Variants in DGKG observed in about 807,000 individuals in gnomAD.
The protein encoded by DGKG is diacylglycerol kinase gamma.
DGKG carries 78 observed loss-of-function variants against 105.3 expected under a neutral mutation model. That is an observed-to-expected ratio of 0.74 (90% confidence interval 0.62 to 0.89). DGKG has a LOEUF of 0.89. Among genes scored for constraint, DGKG ranks in the 40% least tolerant of loss-of-function variants. The pLI, the probability that DGKG is intolerant of heterozygous loss-of-function variation, is 0.00. For missense variants in DGKG, 958 were observed against 1,020.1 expected, an observed-to-expected ratio of 0.94 and a Z score of 0.83; for synonymous variants, 346 against 367.1, an observed-to-expected ratio of 0.94 and a Z score of 0.66.
rs149805086 is a variant in DGKG at position 186,231,294 on chromosome 3, G to A, written c.1826+11210C>T. Among the ~76,000 whole-genome samples, 848 of 152,216 alleles carry A rather than the reference G, an allele frequency of 5.6e-3. 18 individuals are homozygous for A. Among genetic ancestry groups the A allele is most frequent in the African/African-American group, 0.02 (815 of 41,516 alleles). Reference sequence around the variant, plus strand: ...TCTTTGGTCATGGGGCACAAAACTGGGCACATGGAGAGGCAGGGAATTGTA... The same window carrying A: ...TCTTTGGTCATGGGGCACAAAACTGAGCACATGGAGAGGCAGGGAATTGTA... On this transcript the variant is annotated intron_variant, in intron 20 of 24. Coordinates refer to ENST00000265022, the MANE Select transcript of DGKG (RefSeq NM_001346.3). This position sits in a 1 kb window ranked among gnomAD's most constrained non-coding sequence, Gnocchi z 4.5.
chr3:186,176,065 G>GT (rs1717062344), intron 22 of DGKG, among the ~76,000 whole-genome samples: 1 of 152,188 alleles, frequency 6.6e-6, no homozygotes, highest in South Asian at 2.1e-4. Flanking sequence ...CAGTGACAGG[G>GT]TACCCGAAGG....
At chr3:186,255,156 G>A (rs1037776409) in intron 17 of DGKG, among the ~76,000 whole-genome samples, 3 of 152,134 alleles carry the variant, frequency 2.0e-5, no homozygotes, top group Non-Finnish European at 4.4e-5. Context: ...TGAATGTATT[G>A]TAACCTCCCC....
intron 8 of DGKG, 38 bp downstream of exon 8, chr3:186,280,632 G>C: frequency 6.6e-7 from 1 of 1,526,576 alleles, no homozygotes; most frequent in Non-Finnish European, 9.1e-7. Context: ...CGTCTTAGAA[G>C]CTCACTCCAA....
rs1389881540 is a variant in DGKG, at chr3:186,150,198, A to G, written c.2278-10T>C. On this transcript the variant is annotated splice_polypyrimidine_tract_variant and intron_variant, in intron 24 of 24. Coordinates refer to ENST00000265022, the MANE Select transcript of DGKG (RefSeq NM_001346.3). ...TGTGAGTAATTTTAATCTAAAAGCAAAGAGGCAGAAATGAATTAGTGGCAT... is the reference window on the plus strand; with the variant it reads ...TGTGAGTAATTTTAATCTAAAAGCAGAGAGGCAGAAATGAATTAGTGGCAT... The G allele has an allele frequency of 6.2e-7, 1 of 1,606,404 alleles. No individual in the cohort carries two copies. Among genetic ancestry groups the G allele is most frequent in the Non-Finnish European group, 8.5e-7 (1 of 1,175,564 alleles).
At chr3:186,304,590 G>T (rs1219331624) in intron 3 of DGKG, among the ~76,000 whole-genome samples, 2 of 152,208 alleles carry the variant, frequency 1.3e-5, no homozygotes, top group African/African-American at 2.4e-5. Flanking sequence ...TTCATAAAAG[G>T]ACTCAGGAGC....
intron 22 of DGKG, among the ~76,000 whole-genome samples, chr3:186,167,500 T>C (rs1051905928): frequency 1.3e-5 from 2 of 152,162 alleles, no homozygotes; most frequent in Non-Finnish European, 2.9e-5. Context: ...CCCCTTTACT[T>C]CCTCTATCAC....
intron 21 of DGKG, among the ~76,000 whole-genome samples, chr3:186,189,530 T>C (rs1017517459): frequency 6.6e-6 from 1 of 152,146 alleles, no homozygotes; most frequent in Non-Finnish European, 1.5e-5. Context: ...AGTTGGGGGA[T>C]TTGAGTACAA....
At chr3:186,286,305 G>A (rs1723066764) in intron 6 of DGKG, among the ~76,000 whole-genome samples, 1 of 152,174 alleles carries the variant, frequency 6.6e-6, no homozygotes, top group Non-Finnish European at 1.5e-5. Context: ...ATGACATAGA[G>A]GACAGACCTT....
At chr3:186,186,197 A>G (rs1208843331) in intron 22 of DGKG, among the ~76,000 whole-genome samples, 2 of 152,040 alleles carry the variant, frequency 1.3e-5, no homozygotes, top group Non-Finnish European at 2.9e-5. Context: ...CCTGGAATAT[A>G]ACAATCTGAT....
intron 24 of DGKG, among the ~76,000 whole-genome samples, chr3:186,154,489 AC>A (rs1715929184): frequency 6.6e-6 from 1 of 151,984 alleles, no homozygotes; most frequent in African/African-American, 2.4e-5. Flanking sequence ...ACTAAAAAAT[AC>A]AAAAATTAGC....
Position 186,148,813 on chromosome 3 carries a change from C to T in DGKG, c.*1277G>A. Reference sequence around the variant, plus strand: ...GGGAGCTACTTTCATTCCCCTTAACCCTTGTGATCACCACAGGGAGATGCG... The same window carrying T: ...GGGAGCTACTTTCATTCCCCTTAACTCTTGTGATCACCACAGGGAGATGCG... On this transcript the variant is annotated 3_prime_UTR_variant, in exon 25 of 25. Coordinates refer to ENST00000265022, the MANE Select transcript of DGKG (RefSeq NM_001346.3). 1 of 985,490 alleles carries T rather than the reference C, an allele frequency of 1.0e-6. No homozygotes were observed. Among genetic ancestry groups the T allele is most frequent in the African/African-American group, 1.7e-5 (1 of 57,240 alleles). 61.0% of individuals were successfully genotyped at this position (985,490 alleles called of 1,614,324 possible).
intron 20 of DGKG, among the ~76,000 whole-genome samples, chr3:186,229,938 C>T (rs1720063095): frequency 6.6e-6 from 1 of 152,154 alleles, no homozygotes; most frequent in African/African-American, 2.4e-5. Flanking sequence ...AAAGAGGGTG[C>T]AGCAAAGTGG....
chr3:186,354,500 T>A (rs139965625), intron 1 of DGKG, among the ~76,000 whole-genome samples: 101 of 152,300 alleles, frequency 6.6e-4, no homozygotes, highest in African/African-American at 2.2e-3. Flanking sequence ...TGGACCCAAA[T>A]GATTAACTGG....
intron 9 of DGKG, 84 bp downstream of exon 9, chr3:186,279,748 TTGGGCAGTCTGGAGCAGAA>T (rs1190333760): frequency 7.1e-7 from 1 of 1,405,026 alleles, no homozygotes; most frequent in Non-Finnish European, 9.7e-7. Context: ...GGCACGTCTG[TTGGGCAGTCTGGAGCAGAA>T]GCCAAAGTGA....
chr3:186,154,599 C>T (rs1421576317), intron 24 of DGKG, among the ~76,000 whole-genome samples: 1 of 141,130 alleles, frequency 7.1e-6, no homozygotes, highest in Non-Finnish European at 1.5e-5. Context: ...GAGCCGAGAT[C>T]GTGCCATTGC....
Position 186,275,668 on chromosome 3 carries a change from C to T in DGKG, c.793-4G>A, listed in dbSNP as rs1475241831. ...GCCGCCCATCCCCCTTGGAGCCCTG[C>T]AGGGGTAATAGGAGGTGAGACCCCA... On this transcript the variant is annotated splice_region_variant and splice_polypyrimidine_tract_variant and intron_variant, in intron 9 of 24. Transcript: ENST00000265022. The T allele has an allele frequency of 6.2e-7, 1 of 1,611,968 alleles. No homozygotes were observed. The highest frequency in any genetic ancestry group is 8.5e-7 in the Non-Finnish European group (1 of 1,178,786).
intron 2 of DGKG, among the ~76,000 whole-genome samples, chr3:186,310,289 AC>A (rs1560148190): frequency 0.019 from 2,528 of 135,516 alleles, 15 homozygotes; most frequent in East Asian, 0.036. Flanking sequence ...AAAAAAAAAA[AC>A]CACACACACA....
chr3:186,184,523 C>T (rs997164214), intron 22 of DGKG, among the ~76,000 whole-genome samples: 2 of 147,884 alleles, frequency 1.4e-5, no homozygotes, highest in Admixed American at 1.4e-4. Flanking sequence ...CCTCAGCCTC[C>T]CTTGTAGCTG....
chr3:186,355,470 C>G (rs11926846), intron 1 of DGKG, among the ~76,000 whole-genome samples: 36,332 of 149,020 alleles, frequency 0.24, 4,747 homozygotes, highest in African/African-American at 0.35. Context: ...TTATCATAAC[C>G]CCCACAACCA....
Sources: allele counts gnomAD v4.1 joint callset (sites outside exome capture counted in the v4.1 genomes callset), GRCh38; gene constraint gnomAD v4.1.1; non-coding constraint Gnocchi (gnomAD v3.1); transcripts MANE v1.5; gene names NCBI Gene and HGNC (gene_info 2026-07-23, HGNC 2026-07-21).